ANK2: variants seen among roughly 807,000 people sequenced by gnomAD.
The protein encoded by ANK2 is ankyrin 2, also known as ankyrin-2.
Under a neutral mutation model 360.5 loss-of-function variants are expected in ANK2, and 83 were observed. The ratio of observed to expected loss-of-function variants is 0.23; its 90% confidence interval spans 0.19 to 0.28. ANK2 has a LOEUF of 0.28. ANK2 is among the 10% of genes least tolerant of loss of function. ANK2 has a pLI of 1.00. For synonymous variants in ANK2, 1,740 were observed against 1,759.5 expected, an observed-to-expected ratio of 0.99 and a Z score of 0.28; for missense variants, 4,201 against 4,795.7, an observed-to-expected ratio of 0.88 and a Z score of 3.66.
At chr4:113,092,977 A>G (rs1180863242) in intron 1 of ANK2, among the ~76,000 whole-genome samples, 2 of 152,206 alleles carry the variant, frequency 1.3e-5, no homozygotes, top group African/African-American at 2.4e-5. Flanking sequence ...AGTGGAAAAA[A>G]CACTGGAATG....
At chr4:113,327,553 G>A (rs2090617810) in intron 26 of ANK2, among the ~76,000 whole-genome samples, 1 of 152,180 alleles carries the variant, frequency 6.6e-6, no homozygotes, top group Non-Finnish European at 1.5e-5. Flanking sequence ...TTATTCAACA[G>A]TTATTTATTG....
At chr4:113,251,626 G>A (rs1346647904) in intron 10 of ANK2, among the ~76,000 whole-genome samples, 1 of 151,664 alleles carries the variant, frequency 6.6e-6, no homozygotes, top group Non-Finnish European at 1.5e-5. Flanking sequence ...GGAACTACAG[G>A]CGCCCACCAC....
At chr4:112,839,051 C>T (rs529162106) in intron 1 of ANK2, among the ~76,000 whole-genome samples, 1 of 152,148 alleles carries the variant, frequency 6.6e-6, no homozygotes, top group East Asian at 1.9e-4. Context: ...CCTTTCTCCC[C>T]TCCTTTTGTA....
At chr4:113,141,662 A>T (rs1402968871) in intron 1 of ANK2, among the ~76,000 whole-genome samples, 1 of 152,196 alleles carries the variant, frequency 6.6e-6, no homozygotes. Flanking sequence ...CTATCCCTTT[A>T]GGTTAAATTA....
intron 4 of ANK2, among the ~76,000 whole-genome samples, chr4:113,226,393 C>G (rs568894361): frequency 6.6e-6 from 1 of 152,284 alleles, no homozygotes; most frequent in East Asian, 1.9e-4. Flanking sequence ...TGTGTTGTCT[C>G]ATTGCACGGT....
At chr4:112,723,057 C>T in the ANK2 span, among the ~76,000 whole-genome samples, 2 of 152,052 alleles carry the variant, frequency 1.3e-5, no homozygotes, top group African/African-American at 4.8e-5. Context: ...TGCCATCCAA[C>T]GAAACTAAGT....
At chr4:113,344,400 T>C (rs2094598491) in intron 34 of ANK2, among the ~76,000 whole-genome samples, 1 of 152,092 alleles carries the variant, frequency 6.6e-6, no homozygotes, top group Admixed American at 6.5e-5. Flanking sequence ...TAAACAAATG[T>C]TGGGAAGGAT....
At chr4:112,968,972 A>G (rs1479560846) in intron 2 of ANK2, among the ~76,000 whole-genome samples, 2 of 152,206 alleles carry the variant, frequency 1.3e-5, no homozygotes, top group African/African-American at 4.8e-5. Flanking sequence ...CTTACTAAAA[A>G]TTACACATCA....
intron 21 of ANK2, 180 bp from the exon 22 acceptor site, chr4:113,293,260 A>C (rs1563493213): frequency 4.3e-6 from 3 of 702,358 alleles, no homozygotes; most frequent in South Asian, 1.5e-5. Flanking sequence ...GACCTGGCCT[A>C]TAGTCTGAAG....
chr4:112,871,816 G>A (rs987692758), intron 1 of ANK2, among the ~76,000 whole-genome samples: 7 of 152,102 alleles, frequency 4.6e-5, no homozygotes. Flanking sequence ...AAGGGTGTTA[G>A]ATTTTGTTAA....
the ANK2 span, among the ~76,000 whole-genome samples, chr4:112,784,018 A>G: frequency 6.6e-6 from 1 of 152,200 alleles, no homozygotes. Context: ...TAGTGAAAAT[A>G]CATGAACTAA....
the ANK2 span, among the ~76,000 whole-genome samples, chr4:112,750,216 G>A: frequency 6.6e-6 from 1 of 151,956 alleles, no homozygotes; most frequent in South Asian, 2.1e-4. Context: ...CAGGTTGCCT[G>A]AGCTCAGGAA....
chr4:113,235,684 C>T (rs553863979), intron 5 of ANK2, among the ~76,000 whole-genome samples: 1 of 152,280 alleles, frequency 6.6e-6, no homozygotes, highest in South Asian at 2.1e-4. Flanking sequence ...GATCTACCTG[C>T]CTCAGCCTCC....
chr4:113,154,076 G>A (rs1278751047), intron 1 of ANK2, among the ~76,000 whole-genome samples: 2 of 152,106 alleles, frequency 1.3e-5, no homozygotes, highest in African/African-American at 4.8e-5. Context: ...CTATTTAGAG[G>A]CAATTAAAGT....
chr4:112,789,233 T>A, the ANK2 span, among the ~76,000 whole-genome samples: 90 of 152,162 alleles, frequency 5.9e-4, no homozygotes, highest in Non-Finnish European at 1.2e-3. Context: ...TCCCCAAGTC[T>A]TAGATGAGCT....
At chr4:113,125,385 A>G (rs945712079) in intron 1 of ANK2, among the ~76,000 whole-genome samples, 1 of 152,184 alleles carries the variant, frequency 6.6e-6, no homozygotes, top group African/African-American at 2.4e-5. Context: ...TAACCCTTTC[A>G]AGACATTCAG....
rs1276641904 is a variant in ANK2 at position 113,355,501 on chromosome 4, A to G, written c.6883A>G (p.Thr2295Ala). The G allele has an allele frequency of 4.3e-6, 7 of 1,613,976 alleles. No homozygotes were observed. The highest frequency in any genetic ancestry group is 2.2e-5 in the East Asian group (1 of 44,884). The change falls in exon 38 of 46, where the codon ACA becomes GCA. Residue 2295 changes from threonine (T) to alanine (A), a missense_variant. Coordinates refer to ENST00000357077, the MANE Select transcript of ANK2 (RefSeq NM_001148.6). ...TGGTGGCTCTGAAGAGCGAGGTGCCACAGTCACTGAGGACTCAGAGACCTC... is the reference window on the plus strand; with the variant it reads ...TGGTGGCTCTGAAGAGCGAGGTGCCGCAGTCACTGAGGACTCAGAGACCTC... The part of the protein sequence containing the change: ...ITGGSEERGA[T>A]VTEDSETSTE...
chr4:112,780,174 G>A, the ANK2 span, among the ~76,000 whole-genome samples: 6 of 145,020 alleles, frequency 4.1e-5, no homozygotes, highest in Non-Finnish European at 9.0e-5. Flanking sequence ...GTGACACAGT[G>A]AGACTCTGTC....
chr4:112,913,766 G>A (rs2088629986), intron 2 of ANK2, among the ~76,000 whole-genome samples: 1 of 152,122 alleles, frequency 6.6e-6, no homozygotes. Context: ...GGAAATCATA[G>A]AGAAGTTATA....
Sources: allele counts gnomAD v4.1 joint callset (sites outside exome capture counted in the v4.1 genomes callset), GRCh38; gene constraint gnomAD v4.1.1; transcripts MANE v1.5; gene names NCBI Gene and HGNC (gene_info 2026-07-23, HGNC 2026-07-21).